Variants in TYMS observed in about 807,000 individuals in gnomAD.
TYMS encodes thymidylate synthase.
Under a neutral mutation model 39.3 loss-of-function variants are expected in TYMS, and 21 were observed. The ratio of observed to expected loss-of-function variants is 0.54; its 90% CI spans 0.38 to 0.77. The LOEUF is 0.77. Ranked by LOEUF, TYMS falls within the 30% of genes least tolerant of loss-of-function variation. The probability of loss-of-function intolerance (pLI) is 0.00; values close to 1 mark genes in which losing one functional copy is unlikely to be tolerated. For missense variants in TYMS, 273 were observed against 406.7 expected, an observed-to-expected ratio of 0.67 and a Z score of 2.83; for synonymous variants, 171 against 162.2, an observed-to-expected ratio of 1.05 and a Z score of -0.41.
chr18:660,023 G>T lies in TYMS; in HGVS notation c.279+309G>T, dbSNP rs2074741035. On this transcript the variant is annotated intron_variant, in intron 2 of 6. Transcript: ENST00000323274. The surrounding 1 kb of genome is among the most constrained non-coding windows in gnomAD (Gnocchi z 4.6). ...GCGGAGGTTGTAGTGAGCTGAGATC[G>T]TGGCACTGTACTCCAGCCTGGGCGA... 6.6e-6 allele frequency among the ~76,000 whole-genome samples: 1 copy of T among 152,172 alleles called. No homozygotes were observed. Among genetic ancestry groups the T allele is most frequent in the African/African-American group, 2.4e-5 (1 of 41,428 alleles).
At position 658,740 on chromosome 18, in the gene TYMS, GA is replaced by G. The variant is rs1262173292; in HGVS notation, c.205+794del. The G allele has an allele frequency of 9.5e-6, 2 of 211,212 alleles. No individual in the cohort carries two copies. The highest frequency in any genetic ancestry group is 1.9e-5 in the Non-Finnish European group (2 of 105,374). The allele number at this position is 211,212 out of a possible 1,614,324, so 13.1% of individuals were successfully genotyped here. On this transcript the variant is annotated intron_variant, in intron 1 of 6. Transcript: ENST00000323274. This position sits in a 1 kb window ranked among gnomAD's most constrained non-coding sequence, Gnocchi z 4.5. Reference sequence around the variant, plus strand: ...CCTGCGCCAGCTGCGCGGGGGAGGGGACTCGAAGGTGTGTGAGCCAGGGGCT... The same window carrying G: ...CCTGCGCCAGCTGCGCGGGGGAGGGGCTCGAAGGTGTGTGAGCCAGGGGCT...
intron 3 of TYMS, among the ~76,000 whole-genome samples, chr18:667,996 T>TTTTTTTTTTTTTTTTG (rs2074890308): frequency 6.9e-6 from 1 of 145,946 alleles, no homozygotes; most frequent in African/African-American, 2.6e-5. Flanking sequence ...ACAGGAATTT[T>TTTTTTTTTTTTTTTTG]TTTTTTTTTT....
At chr18:669,036 G>A (rs2074923716) in intron 3 of TYMS, 36 bp from the exon 4 acceptor site, 7 of 1,539,248 alleles carry the variant, frequency 4.5e-6, no homozygotes, top group Middle Eastern at 1.7e-4. Flanking sequence ...TGTGATTAAT[G>A]TATGTACCTG....
At chr18:661,104 C>T (rs956459652) in intron 2 of TYMS, among the ~76,000 whole-genome samples, 1 of 152,196 alleles carries the variant, frequency 6.6e-6, no homozygotes. Flanking sequence ...ACTTTTGAAG[C>T]AATATGTAAA....
In TYMS at chr18:658,443, G is replaced by A. The variant is rs1205151884; in HGVS notation, c.205+496G>A. Reference sequence around the variant, plus strand: ...GCGGGAAGAGGAGAGCACTGAAGCTGGCGCGGGAACTTGGTTTCCTGGTGG... The same window carrying A: ...GCGGGAAGAGGAGAGCACTGAAGCTAGCGCGGGAACTTGGTTTCCTGGTGG... On this transcript the variant is annotated intron_variant, in intron 1 of 6. Coordinates refer to ENST00000323274, the MANE Select transcript of TYMS (RefSeq NM_001071.4). This position sits in a 1 kb window ranked among gnomAD's most constrained non-coding sequence, Gnocchi z 4.5. The A allele has an allele frequency of 4.6e-6, 4 of 865,712 alleles. No homozygotes were observed. The highest frequency in any genetic ancestry group is 3.1e-6 in the Non-Finnish European group (2 of 644,012). The allele number at this position is 865,712 out of a possible 1,614,324, so 53.6% of individuals were successfully genotyped here.
intron 4 of TYMS, among the ~76,000 whole-genome samples, chr18:669,629 CCCAA>C (rs1365324934): frequency 6.6e-6 from 1 of 152,044 alleles, no homozygotes. Context: ...GCCTCAGCCT[CCCAA>C]CCAGATGATC....
chr18:668,976 C>G (rs1344419386), intron 3 of TYMS, 96 bp from the exon 4 acceptor site: 1 of 1,014,924 alleles, frequency 9.9e-7, no homozygotes, highest in Non-Finnish European at 1.5e-6. Flanking sequence ...AAGGGGGGAC[C>G]CTGGGTAAGA....
At chr18:672,682 G>C (rs1213463816) in intron 6 of TYMS, 178 bp from the exon 7 acceptor site, 3 of 570,250 alleles carry the variant, frequency 5.3e-6, no homozygotes, top group Non-Finnish European at 8.8e-6. Flanking sequence ...CTGTGCAAGA[G>C]AACAGCTGGT....
At chr18:666,901 G>GGT (rs1169613721) in intron 3 of TYMS, among the ~76,000 whole-genome samples, 7 of 40,788 alleles carry the variant, frequency 1.7e-4, no homozygotes, top group Admixed American at 2.2e-4. Context: ...AGATGGTGAT[G>GGT]GAGATGGTGA....
rs1019504442 is a variant in TYMS at position 670,768 on chromosome 18, G to A, written c.633G>A (p.Gln211=). ...TGGTGAACAGTGAGCTGTCCTGCCA[G>A]CTGTACCAGAGATCGGGAGACATGG... ...FYVVNSELSC[Q]LYQRSGDMGL... is the part of the protein sequence containing the mutation. Residue 211 remains glutamine (Q), a synonymous_variant, in exon 5 of 7, where the codon CAG becomes CAA. Coordinates refer to ENST00000323274, the MANE Select transcript of TYMS (RefSeq NM_001071.4). 6.2e-7 allele frequency: 1 copy of A among 1,614,050 alleles called. No individual in the cohort carries two copies. Among genetic ancestry groups the A allele is most frequent in the African/African-American group, 1.3e-5 (1 of 74,902 alleles).
chr18:673,030 A>G lies in TYMS; in HGVS notation c.*33A>G, dbSNP rs1567998479. The G allele has an allele frequency of 6.7e-7, 1 of 1,500,470 alleles. No individual in the cohort carries two copies. Among genetic ancestry groups the G allele is most frequent in the East Asian group, 2.3e-5 (1 of 43,602 alleles). 92.9% of individuals were successfully genotyped at this position (1,500,470 alleles called of 1,614,324 possible). On this transcript the variant is annotated 3_prime_UTR_variant, in exon 7 of 7. Transcript: ENST00000323274. Reference sequence around the variant, plus strand: ...TCAAAGGAGCTCGAAGGATATTGTCAGTCTTTAGGGGTTGGGCTGGATGCC... The same window carrying G: ...TCAAAGGAGCTCGAAGGATATTGTCGGTCTTTAGGGGTTGGGCTGGATGCC...
At chr18:669,366 ATTTT>A (rs68090938) in intron 4 of TYMS, 193 bp downstream of exon 4, 2,199 of 191,234 alleles carry the variant, frequency 0.011, no homozygotes, top group Middle Eastern at 0.035. Flanking sequence ...GGCCCAGAGG[ATTTT>A]TTTTTTTTTT....
chr18:666,467 C>A (rs2074818076), intron 3 of TYMS, among the ~76,000 whole-genome samples: 1 of 152,150 alleles, frequency 6.6e-6, no homozygotes, highest in Non-Finnish European at 1.5e-5. Context: ...TTGGTGTCAC[C>A]TCTTACTGGA....
At position 673,097 on chromosome 18, in the gene TYMS, G is replaced by A; in HGVS notation, c.*100G>A. 7.7e-7 allele frequency: 1 copy of A among 1,306,254 alleles called. No individual in the cohort carries two copies. Among genetic ancestry groups the A allele is most frequent in the Non-Finnish European group, 1.0e-6 (1 of 973,768 alleles). The allele number at this position is 1,306,254 out of a possible 1,614,324, so 80.9% of individuals were successfully genotyped here. Reference sequence around the variant, plus strand: ...TTGCTCTAAAAGAAAAAGGAACTAGGTCAAAAATCTGTCCGTGACCTATCA... The same window carrying A: ...TTGCTCTAAAAGAAAAAGGAACTAGATCAAAAATCTGTCCGTGACCTATCA... On this transcript the variant is annotated 3_prime_UTR_variant, in exon 7 of 7. Coordinates refer to ENST00000323274, the MANE Select transcript of TYMS (RefSeq NM_001071.4).
At chr18:664,503 C>T (rs2144278203) in intron 3 of TYMS, among the ~76,000 whole-genome samples, 1 of 139,394 alleles carries the variant, frequency 7.2e-6, no homozygotes, top group East Asian at 2.1e-4. Flanking sequence ...ATTGAATACC[C>T]TTTATTTCCT....
At chr18:659,089 T>C (rs566715531) in intron 1 of TYMS, among the ~76,000 whole-genome samples, 1 of 152,298 alleles carries the variant, frequency 6.6e-6, no homozygotes, top group South Asian at 2.1e-4. Context: ...CTTCCCTATA[T>C]GTTAAAAATG....
intron 4 of TYMS, chr18:669,435 T>C (rs575973496): frequency 6.2e-6 from 2 of 323,506 alleles, no homozygotes; most frequent in East Asian, 1.1e-4. Flanking sequence ...TGCAACGGCG[T>C]GATCTTGGCT....
At position 658,133 on chromosome 18, in the gene TYMS, T is replaced by TG; in HGVS notation, c.205+188dup. ...CGGAGGGTCCCATTAGGGACGTGACTGGCGCGGGCAACACACACAGCAGCG... is the reference window on the plus strand; with the variant it reads ...CGGAGGGTCCCATTAGGGACGTGACTGGGCGCGGGCAACACACACAGCAGCG... On this transcript the variant is annotated intron_variant, in intron 1 of 6. Transcript: ENST00000323274. The surrounding 1 kb of genome is among the most constrained non-coding windows in gnomAD (Gnocchi z 4.5). The TG allele has an allele frequency of 6.3e-7, 1 of 1,585,458 alleles. No individual in the cohort carries two copies. The highest frequency in any genetic ancestry group is 8.6e-7 in the Non-Finnish European group (1 of 1,169,196).
At chr18:670,397 C>T (rs1043645163) in intron 4 of TYMS, 8 of 301,904 alleles carry the variant, frequency 2.6e-5, no homozygotes, top group Non-Finnish European at 4.9e-5. Context: ...CAGAATTATT[C>T]CTGCTGTATT....
Sources: gnomAD v4.1 joint callset for allele counts (sites outside exome capture counted in the v4.1 genomes callset) on GRCh38, gnomAD v4.1.1 for gene constraint, Gnocchi (gnomAD v3.1) non-coding constraint, MANE v1.5 for transcripts, NCBI Gene and HGNC (gene_info 2026-07-23, HGNC 2026-07-21) for gene names.